The following IQCB1 variants were observed in gnomAD, a reference collection of about 807,000 sequenced individuals.
IQCB1 encodes IQ motif containing B1.
IQCB1 carries 56 observed loss-of-function variants against 84.4 expected under a neutral mutation model. The observed-to-expected ratio is 0.66, with a 90% CI of 0.54 to 0.83. The LOEUF is 0.83. IQCB1 is among the 40% of genes least tolerant of loss of function. The pLI, the probability that IQCB1 is intolerant of heterozygous loss-of-function variation, is 0.00. For synonymous variants in IQCB1, 210 were observed against 234.8 expected (o/e 0.89, Z 0.96); for missense variants, 629 against 682.1 (o/e 0.92, Z 0.87).
chr3:121,814,790 C>G (rs944212495), intron 5 of IQCB1, among the ~76,000 whole-genome samples: 1 of 152,050 alleles, frequency 6.6e-6, no homozygotes, highest in Non-Finnish European at 1.5e-5. Context: ...CCAAAAAAAG[C>G]CCAGGACCAG....
At chr3:121,809,057 T>TC in intron 5 of IQCB1, 48 bp from the exon 6 acceptor site, 1 of 353,786 alleles carries the variant, frequency 2.8e-6, no homozygotes, top group East Asian at 7.9e-5. Flanking sequence ...GTTTTTTTCC[T>TC]TTTTTTTTTT....
At chr3:121,818,400 A>G (rs1310698994) in intron 5 of IQCB1, among the ~76,000 whole-genome samples, 1 of 152,248 alleles carries the variant, frequency 6.6e-6, no homozygotes, top group Non-Finnish European at 1.5e-5. Context: ...ATCAAATGAC[A>G]GCTTGGAGCA....
At chr3:121,780,467 A>G (rs890137573) in intron 13 of IQCB1, among the ~76,000 whole-genome samples, 4 of 152,172 alleles carry the variant, frequency 2.6e-5, no homozygotes, top group Admixed American at 2.6e-4. Flanking sequence ...CTTTATGGTA[A>G]TCACAGAGGG....
chr3:121,828,705 T>C, intron 3 of IQCB1, 73 bp from the exon 4 acceptor site: 1 of 1,136,680 alleles, frequency 8.8e-7, no homozygotes, highest in South Asian at 1.3e-5. Context: ...TTTTATATGT[T>C]GAATAATCAC....
At chr3:121,776,255 A>G (rs530163583) in intron 13 of IQCB1, among the ~76,000 whole-genome samples, 1 of 152,202 alleles carries the variant, frequency 6.6e-6, no homozygotes, top group Non-Finnish European at 1.5e-5. Flanking sequence ...GAGAGTATCA[A>G]TTTATTCCTT....
intron 9 of IQCB1, 52 bp downstream of exon 9, chr3:121,797,065 GT>G: frequency 2.2e-6 from 2 of 914,156 alleles, no homozygotes; most frequent in Non-Finnish European, 1.8e-6. Flanking sequence ...GAAAACTAAG[GT>G]TTAATATAGT....
chr3:121,785,858 C>G (rs1354231950), intron 12 of IQCB1, among the ~76,000 whole-genome samples: 1 of 151,822 alleles, frequency 6.6e-6, no homozygotes, highest in Non-Finnish European at 1.5e-5. Flanking sequence ...GTGCAGATCT[C>G]TAGTGTGTCT....
chr3:121,771,409 A>G (rs1263345503), intron 14 of IQCB1, among the ~76,000 whole-genome samples: 1 of 148,870 alleles, frequency 6.7e-6, no homozygotes, highest in Non-Finnish European at 1.5e-5. Flanking sequence ...GCTTACTACA[A>G]CCTCCGCCTC....
chr3:121,776,211 C>T (rs1948220788), intron 13 of IQCB1, among the ~76,000 whole-genome samples: 1 of 152,166 alleles, frequency 6.6e-6, no homozygotes, highest in South Asian at 2.1e-4. Flanking sequence ...GGGCGTGAGT[C>T]ACCATGCCCG....
intron 12 of IQCB1, among the ~76,000 whole-genome samples, chr3:121,785,839 T>G (rs1033243986): frequency 6.6e-6 from 1 of 152,024 alleles, no homozygotes; most frequent in African/African-American, 2.4e-5. Flanking sequence ...ACGATTATTT[T>G]ATTGAACAGT....
intron 12 of IQCB1, among the ~76,000 whole-genome samples, chr3:121,786,625 C>G (rs185142750): frequency 6.6e-6 from 1 of 152,028 alleles, no homozygotes; most frequent in Non-Finnish European, 1.5e-5. Context: ...CCTTTTTGCT[C>G]TTAAACAGAG....
chr3:121,814,911 G>A (rs1949987177), intron 5 of IQCB1, among the ~76,000 whole-genome samples: 1 of 152,170 alleles, frequency 6.6e-6, no homozygotes, highest in African/African-American at 2.4e-5. Context: ...CTCATTTTCT[G>A]AGAGCAGGAT....
At position 121,790,294 on chromosome 3, in the gene IQCB1, A is replaced by C. The variant is rs1948914718; in HGVS notation, c.987-79T>G. The C allele has an allele frequency of 3.8e-6, 5 of 1,324,310 alleles. No individual in the cohort carries two copies. The East Asian group carries it at 1.2e-4, about 31-fold the overall frequency. 82.0% of individuals were successfully genotyped at this position (1,324,310 alleles called of 1,614,324 possible). On this transcript the variant is annotated intron_variant, in intron 10 of 14. Coordinates refer to ENST00000310864, the MANE Select transcript of IQCB1 (RefSeq NM_001023570.4). The stretch of plus-strand genomic sequence containing the variant: ...GCATAACCTCACTAGTAATCAAATA[A>C]ATGTAAACAGAAAAAATTTTAAGAT...
chr3:121,827,747 G>A (rs904113790), intron 4 of IQCB1, among the ~76,000 whole-genome samples: 3 of 152,034 alleles, frequency 2.0e-5, no homozygotes, highest in African/African-American at 7.2e-5. Context: ...CTTTCAGTGG[G>A]AATAGCTTAT....
intron 5 of IQCB1, among the ~76,000 whole-genome samples, chr3:121,814,797 C>G (rs1053320333): frequency 1.2e-4 from 19 of 152,126 alleles, no homozygotes; most frequent in African/African-American, 4.1e-4. Flanking sequence ...AAGCCCAGGA[C>G]CAGACGGATT....
intron 13 of IQCB1, among the ~76,000 whole-genome samples, chr3:121,778,703 C>T (rs752909345): frequency 3.3e-5 from 5 of 151,742 alleles, no homozygotes; most frequent in Admixed American, 1.3e-4. Context: ...GTCAGGAGTT[C>T]GAGACCAGCC....
At chr3:121,802,640 C>T (rs142907017) in intron 7 of IQCB1, among the ~76,000 whole-genome samples, 194 of 152,192 alleles carry the variant, frequency 1.3e-3, no homozygotes, top group Non-Finnish European at 1.9e-3. Flanking sequence ...TTCTCTATCA[C>T]GTTTGCTTAG....
chr3:121,825,222 G>A (rs1420221040), intron 5 of IQCB1, among the ~76,000 whole-genome samples: 5 of 151,842 alleles, frequency 3.3e-5, no homozygotes, highest in East Asian at 3.9e-4. Context: ...CACCATGCCC[G>A]GCTAATTTTG....
At chr3:121,809,347 C>A (rs543258841) in intron 5 of IQCB1, among the ~76,000 whole-genome samples, 82 of 152,086 alleles carry the variant, frequency 5.4e-4, no homozygotes, top group African/African-American at 1.6e-3. Flanking sequence ...AGCTTTAGTT[C>A]AAATATACTG....
Sources: allele counts gnomAD v4.1 joint callset (sites outside exome capture counted in the v4.1 genomes callset), GRCh38; gene constraint gnomAD v4.1.1; transcripts MANE v1.5; gene names NCBI Gene and HGNC (gene_info 2026-07-23, HGNC 2026-07-21).